Variants in SKI observed in about 807,000 individuals in gnomAD.
SKI encodes SKI proto-oncogene.
SKI carries 23 observed loss-of-function variants against 59.3 expected under a neutral mutation model. The ratio of observed to expected loss-of-function variants is 0.39; its 90% CI spans 0.28 to 0.55. SKI has a LOEUF of 0.55. Among genes scored for constraint, SKI ranks in the 20% least tolerant of loss-of-function variants. SKI has a pLI of 0.67. For synonymous variants in SKI, 673 were observed against 488.6 expected, an observed-to-expected ratio of 1.38 and a Z score of -4.98; for missense variants, 1,017 against 1,038.9, an observed-to-expected ratio of 0.98 and a Z score of 0.29.
intron 1 of SKI, among the ~76,000 whole-genome samples, chr1:2,277,704 GCA>G (rs1410168681): frequency 6.4e-5 from 9 of 140,472 alleles, no homozygotes; most frequent in African/African-American, 2.2e-4. Flanking sequence ...GGGCACACGT[GCA>G]CACACACGTC....
At chr1:2,257,883 C>T (rs1197795422) in intron 1 of SKI, among the ~76,000 whole-genome samples, 1 of 152,078 alleles carries the variant, frequency 6.6e-6, no homozygotes, top group African/African-American at 2.4e-5. Context: ...GGATTACAGG[C>T]ATGTGCCACC....
intron 1 of SKI, chr1:2,232,402 G>A (rs1432020382): frequency 6.6e-6 from 1 of 152,202 alleles, no homozygotes; most frequent in Admixed American, 6.5e-5. Flanking sequence ...GGAGGTGGGA[G>A]AGGGCGGAGA....
Position 2,306,742 on chromosome 1 carries a change from G to T in SKI, c.2164G>T (p.Gly722Cys). The T allele has an allele frequency of 1.3e-6, 2 of 1,527,848 alleles. No individual in the cohort carries two copies. The allele number at this position is 1,527,848 out of a possible 1,614,324, so 94.6% of individuals were successfully genotyped here. A position where few individuals can be genotyped will look rare whatever the true frequency, so the allele number is the denominator to read the frequency against. ...RARPEAAGSE[G>C]AAELEP ...CCGCCCCGAGGCTGCGGGCAGCGAG[G>T]GCGCTGCGGAGCTGGAGCCGTAGAT... Residue 722 changes from glycine to cysteine, a missense_variant, in exon 7 of 7, where the codon GGC becomes TGC. Coordinates refer to ENST00000378536, the MANE Select transcript of SKI (RefSeq NM_003036.4).
intron 1 of SKI, among the ~76,000 whole-genome samples, chr1:2,286,224 G>A (rs893884713): frequency 6.6e-6 from 1 of 152,180 alleles, no homozygotes; most frequent in Non-Finnish European, 1.5e-5. Context: ...AATGCAGGTC[G>A]GGTGCAGTGG....
intron 1 of SKI, among the ~76,000 whole-genome samples, chr1:2,263,636 G>A (rs1389191474): frequency 6.6e-6 from 1 of 151,884 alleles, no homozygotes; most frequent in Non-Finnish European, 1.5e-5. Flanking sequence ...ACAGAGTAAT[G>A]TTCTTGTAGA....
intron 1 of SKI, among the ~76,000 whole-genome samples, chr1:2,238,335 C>T (rs1638795634): frequency 6.6e-6 from 1 of 152,238 alleles, no homozygotes; most frequent in African/African-American, 2.4e-5. Context: ...CAAGCTGGGC[C>T]TCTGCATCCT....
intron 1 of SKI, among the ~76,000 whole-genome samples, chr1:2,232,997 A>G (rs1028098256): frequency 6.6e-5 from 10 of 152,040 alleles, no homozygotes; most frequent in African/African-American, 1.2e-4. Flanking sequence ...CCATTGGACT[A>G]CATTTTTTTG....
chr1:2,228,876 CT>C lies in SKI; in HGVS notation c.113del (p.Phe38SerfsTer250). ...ATGAGCTCGCTGGGCGGCCCGGCCG[CT>C]TTCTCGGCGCGCTGGGCGCAGGAGG... ...SSMSSLGGPA[A>X]FSARWAQEAY... On this transcript the variant is annotated frameshift_variant, in exon 1 of 7. Transcript: ENST00000378536. LOFTEE classifies it high-confidence loss of function. 1 of 1,430,436 alleles carries C rather than the reference CT, an allele frequency of 7.0e-7. No homozygotes were observed. Among genetic ancestry groups the C allele is most frequent in the South Asian group, 1.3e-5 (1 of 76,996 alleles). 88.6% of individuals were successfully genotyped at this position (1,430,436 alleles called of 1,614,324 possible).
In SKI at chr1:2,266,065, A is replaced by AT. The variant is rs1048238469; in HGVS notation, c.969+36339dup. 2.4e-4 allele frequency among the ~76,000 whole-genome samples: 37 copies of AT among 151,484 alleles called. No homozygotes were observed. The East Asian group carries it at 4.1e-3, about 17-fold the overall frequency. On this transcript the variant is annotated intron_variant, in intron 1 of 6. Coordinates refer to ENST00000378536, the MANE Select transcript of SKI (RefSeq NM_003036.4). ...GATCCTTTTGAGTCTTGCTTTTGTGATTTTTTTTTAGGTGGGTCTAGAGCT... is the reference window on the plus strand; with the variant it reads ...GATCCTTTTGAGTCTTGCTTTTGTGATTTTTTTTTTAGGTGGGTCTAGAGCT...
At chr1:2,296,318 C>G (rs1427115505) in intron 1 of SKI, among the ~76,000 whole-genome samples, 1 of 152,224 alleles carries the variant, frequency 6.6e-6, no homozygotes, top group Middle Eastern at 3.4e-3. Flanking sequence ...TTGCTTGAGC[C>G]CTGGGTGGTT....
chr1:2,303,185 A>C lies in SKI; in HGVS notation c.1095+82A>C, dbSNP rs1569857975. 1 of 1,604,176 alleles carries C rather than the reference A, an allele frequency of 6.2e-7. No homozygotes were observed. Among genetic ancestry groups the C allele is most frequent in the Non-Finnish European group, 8.5e-7 (1 of 1,173,362 alleles). On this transcript the variant is annotated intron_variant, in intron 2 of 6. Transcript: ENST00000378536. This position sits in a 1 kb window ranked among gnomAD's most constrained non-coding sequence, Gnocchi z 5.6. ...GGCAGACCCAGCGGCTGGCAGCTCCACCTGCCCGCTACTGAGGGCTGGCAC... is the reference window on the plus strand; with the variant it reads ...GGCAGACCCAGCGGCTGGCAGCTCCCCCTGCCCGCTACTGAGGGCTGGCAC...
chr1:2,269,446 C>T lies in SKI; in HGVS notation c.970-33532C>T, dbSNP rs577504950. Among the ~76,000 whole-genome samples the T allele has an allele frequency of 6.6e-6, 1 of 152,368 alleles. No homozygotes were observed. Among genetic ancestry groups the T allele is most frequent in the Non-Finnish European group, 1.5e-5 (1 of 68,036 alleles). On this transcript the variant is annotated intron_variant, in intron 1 of 6. Coordinates refer to ENST00000378536, the MANE Select transcript of SKI (RefSeq NM_003036.4). This position sits in a 1 kb window ranked among gnomAD's most constrained non-coding sequence, Gnocchi z 4.7. ...CAAGCGGACACTGCGGGACACGTTC[C>T]CCAACGTGGGATGTCCGTCCTCAGC... is the stretch of plus-strand genomic sequence containing the variant.
chr1:2,262,734 CTTAA>C (rs1639415484), intron 1 of SKI, among the ~76,000 whole-genome samples: 1 of 151,372 alleles, frequency 6.6e-6, no homozygotes, highest in African/African-American at 2.4e-5. Context: ...GTTTTTTTTT[CTTAA>C]TTTATTGAGA....
At chr1:2,304,691 A>G (rs1200315655) in intron 5 of SKI, 106 bp downstream of exon 5, 4 of 1,445,556 alleles carry the variant, frequency 2.8e-6, no homozygotes, top group Admixed American at 2.6e-5. Flanking sequence ...TGGCTGCCCC[A>G]TGCGCTCCTC....
chr1:2,274,221 A>C (rs1050804686), intron 1 of SKI, among the ~76,000 whole-genome samples: 6 of 152,094 alleles, frequency 3.9e-5, no homozygotes, highest in Non-Finnish European at 5.9e-5. Context: ...CTGCTTTCCC[A>C]TGGCAGGCTT....
chr1:2,288,615 C>G, intron 1 of SKI, among the ~76,000 whole-genome samples: 1 of 152,168 alleles, frequency 6.6e-6, no homozygotes, highest in East Asian at 1.9e-4. Flanking sequence ...CTCTGGGAGT[C>G]GTGGGATGTG....
chr1:2,252,456 A>AG (rs941806099), intron 1 of SKI, among the ~76,000 whole-genome samples: 1 of 152,114 alleles, frequency 6.6e-6, no homozygotes, highest in African/African-American at 2.4e-5. Context: ...TAACCTCTGC[A>AG]GGGCCCCTTT....
intron 1 of SKI, among the ~76,000 whole-genome samples, chr1:2,264,559 G>T (rs1168402050): frequency 6.6e-6 from 1 of 152,050 alleles, no homozygotes; most frequent in African/African-American, 2.4e-5. Flanking sequence ...GTGAGCCACT[G>T]CGTCCGGCCT....
intron 1 of SKI, among the ~76,000 whole-genome samples, chr1:2,230,655 C>T (rs999919954): frequency 6.6e-6 from 1 of 152,136 alleles, no homozygotes; most frequent in East Asian, 1.9e-4. Flanking sequence ...CACGAGGTGC[C>T]GAAATTACTC....
Sources: allele counts gnomAD v4.1 joint callset (sites outside exome capture counted in the v4.1 genomes callset), GRCh38; gene constraint gnomAD v4.1.1; non-coding constraint Gnocchi (gnomAD v3.1); transcripts MANE v1.5; gene names NCBI Gene and HGNC (gene_info 2026-07-23, HGNC 2026-07-21).